PPARGC1A: variants seen among roughly 807,000 people sequenced by gnomAD.
PPARGC1A encodes the protein peroxisome proliferator-activated receptor gamma coactivator 1-alpha.
Under a neutral mutation model 88.7 loss-of-function variants are expected in PPARGC1A, and 25 were observed. That is an observed-to-expected ratio of 0.28 (90% CI 0.21 to 0.39). The LOEUF is 0.39. PPARGC1A is among the 10% of genes least tolerant of loss of function. PPARGC1A has a pLI of 1.00. For synonymous variants in PPARGC1A, 363 were observed against 355.6 expected (o/e 1.02, Z -0.24); for missense variants, 880 against 968.7 (o/e 0.91, Z 1.22).
intron 2 of PPARGC1A, chr4:23,881,844 G>A (rs886466816): frequency 2.0e-5 from 3 of 152,212 alleles, no homozygotes; most frequent in Non-Finnish European, 4.4e-5. Context: ...GTGAGTGCAG[G>A]TGAAAAGTCC....
the PPARGC1A span, among the ~76,000 whole-genome samples, chr4:23,967,253 A>G: frequency 1.3e-5 from 2 of 152,310 alleles, no homozygotes; most frequent in African/African-American, 4.8e-5. Context: ...TGGAATACCA[A>G]ATTAAAGCAA....
At chr4:24,323,542 C>T in the PPARGC1A span, among the ~76,000 whole-genome samples, 1 of 152,128 alleles carries the variant, frequency 6.6e-6, no homozygotes, top group Non-Finnish European at 1.5e-5. Context: ...CAGAGAACAA[C>T]CCCCTTTGAC....
At chr4:24,378,293 T>A in the PPARGC1A span, among the ~76,000 whole-genome samples, 1 of 152,158 alleles carries the variant, frequency 6.6e-6, no homozygotes, top group African/African-American at 2.4e-5. Flanking sequence ...GCAGAGATCA[T>A]GCCACTGCAC....
At chr4:24,407,383 G>A in the PPARGC1A span, among the ~76,000 whole-genome samples, 1 of 152,148 alleles carries the variant, frequency 6.6e-6, no homozygotes, top group Middle Eastern at 3.2e-3. Context: ...CCTTTACAGA[G>A]GTAGCAGGCC....
At chr4:23,932,470 C>G in the PPARGC1A span, among the ~76,000 whole-genome samples, 1 of 152,106 alleles carries the variant, frequency 6.6e-6, no homozygotes, top group African/African-American at 2.4e-5. Context: ...CCCTACTGTG[C>G]TCTTTTAGGA....
the PPARGC1A span, among the ~76,000 whole-genome samples, chr4:24,127,291 C>T: frequency 6.6e-6 from 1 of 152,034 alleles, no homozygotes; most frequent in Non-Finnish European, 1.5e-5. Context: ...TTCCAACTGC[C>T]CGCACTTAGA....
the PPARGC1A span, among the ~76,000 whole-genome samples, chr4:24,326,973 T>C: frequency 6.6e-6 from 1 of 152,210 alleles, no homozygotes; most frequent in African/African-American, 2.4e-5. Flanking sequence ...CCCACCTCTA[T>C]ACAGTCTGAT....
chr4:24,210,140 C>G, the PPARGC1A span, among the ~76,000 whole-genome samples: 13 of 152,198 alleles, frequency 8.5e-5, no homozygotes, highest in Non-Finnish European at 1.5e-4. Context: ...GGACTCTGAA[C>G]AAGGTCAAAA....
the PPARGC1A span, among the ~76,000 whole-genome samples, chr4:23,987,300 T>A: frequency 6.6e-6 from 1 of 152,074 alleles, no homozygotes; most frequent in Non-Finnish European, 1.5e-5. Flanking sequence ...AAAGGTGATT[T>A]CTTTGTAGCA....
chr4:24,309,284 T>C, the PPARGC1A span, among the ~76,000 whole-genome samples: 9 of 152,148 alleles, frequency 5.9e-5, no homozygotes, highest in Admixed American at 2.6e-4. Context: ...TGATATTTAA[T>C]TTTAAAAAGG....
the PPARGC1A span, among the ~76,000 whole-genome samples, chr4:24,269,593 T>C: frequency 1.4e-4 from 21 of 152,178 alleles, no homozygotes; most frequent in Non-Finnish European, 2.8e-4. Context: ...TACGCGAGTA[T>C]AATAAAAGTA....
the PPARGC1A span, among the ~76,000 whole-genome samples, chr4:24,041,859 C>T: frequency 6.6e-6 from 1 of 151,604 alleles, no homozygotes; most frequent in South Asian, 2.1e-4. Flanking sequence ...TTTAAAGAGT[C>T]CTACTTTCAG....
At chr4:23,939,224 CA>C in the PPARGC1A span, among the ~76,000 whole-genome samples, 10 of 151,602 alleles carry the variant, frequency 6.6e-5, no homozygotes, top group Admixed American at 6.6e-4. Flanking sequence ...CTTTGCATAT[CA>C]AACCCCCCCC....
chr4:24,127,667 A>G, the PPARGC1A span, among the ~76,000 whole-genome samples: 1 of 152,084 alleles, frequency 6.6e-6, no homozygotes, highest in Non-Finnish European at 1.5e-5. Context: ...CCCAAGAGTA[A>G]ATTTCCACAA....
At chr4:23,805,942 C>G (rs1483465578) in intron 10 of PPARGC1A, among the ~76,000 whole-genome samples, 2 of 152,096 alleles carry the variant, frequency 1.3e-5, no homozygotes, top group African/African-American at 4.8e-5. Flanking sequence ...CTGGGACAGT[C>G]TCTGAATTGC....
At chr4:24,275,593 C>T in the PPARGC1A span, among the ~76,000 whole-genome samples, 2 of 152,098 alleles carry the variant, frequency 1.3e-5, no homozygotes, top group Non-Finnish European at 2.9e-5. Context: ...AGGCAGGAAC[C>T]CTTTAATAAA....
chr4:24,180,280 T>C, the PPARGC1A span, among the ~76,000 whole-genome samples: 1 of 152,250 alleles, frequency 6.6e-6, no homozygotes, highest in Non-Finnish European at 1.5e-5. Context: ...ACTGAGCATC[T>C]TTCTTTAAAT....
the PPARGC1A span, among the ~76,000 whole-genome samples, chr4:23,937,148 A>G: frequency 0.03 from 4,510 of 151,582 alleles, 87 homozygotes; most frequent in Middle Eastern, 0.072. Context: ...GAGAAAGGAT[A>G]CGAGATACTA....
chr4:24,352,615 G>C, the PPARGC1A span, among the ~76,000 whole-genome samples: 1 of 152,190 alleles, frequency 6.6e-6, no homozygotes, highest in Non-Finnish European at 1.5e-5. Flanking sequence ...AGCTGGAAAG[G>C]AAGCTGGGGC....
Sources: allele counts gnomAD v4.1 joint callset (sites outside exome capture counted in the v4.1 genomes callset), GRCh38; gene constraint gnomAD v4.1.1; transcripts MANE v1.5; gene names NCBI Gene and HGNC (gene_info 2026-07-23, HGNC 2026-07-21).